TTYH1: variants seen among roughly 807,000 people sequenced by gnomAD.
TTYH1 encodes the protein protein tweety homolog 1.
TTYH1 carries 33 observed loss-of-function variants against 61.2 expected under a neutral mutation model. The ratio of observed to expected loss-of-function variants is 0.54; its 90% CI spans 0.41 to 0.72. TTYH1 has a LOEUF of 0.72. Among genes scored for constraint, TTYH1 ranks in the 30% least tolerant of loss-of-function variants. The pLI is 0.00. For missense variants in TTYH1, 538 were observed against 575.8 expected, an observed-to-expected ratio of 0.93 and a Z score of 0.67; for synonymous variants, 308 against 266.4, an observed-to-expected ratio of 1.16 and a Z score of -1.52.
At chr19:54,431,004 G>T in intron 9 of TTYH1, 95 bp from the exon 10 acceptor site, 1 of 1,493,012 alleles carries the variant, frequency 6.7e-7, no homozygotes, top group South Asian at 1.1e-5. Context: ...AGAGCTAGGC[G>T]GGGCCTTGGG....
In TTYH1 at chr19:54,436,416, T is replaced by C. The variant is rs1282979294; in HGVS notation, c.*126T>C. 6 of 1,605,774 alleles carry C rather than the reference T, an allele frequency of 3.7e-6. No individual in the cohort carries two copies. The highest frequency in any genetic ancestry group is 2.2e-5 in the East Asian group (1 of 44,802). The stretch of plus-strand genomic sequence containing the variant: ...CTAACACTCTTGGCCATGGACAGCC[T>C]GCACAGGACCGCCTCCCTGCTCTTG... On this transcript the variant is annotated 3_prime_UTR_variant, in exon 14 of 14. Transcript: ENST00000376530. The surrounding 1 kb of genome is among the most constrained non-coding windows in gnomAD (Gnocchi z 4.3).
Position 54,426,280 on chromosome 19 carries a change from G to A in TTYH1, c.639-393G>A, listed in dbSNP as rs150056772. ...GACCAGGCAGCCTCTGCCTCCAGAC[G>A]TCATGCCCTCCAGGGATGCGATGGG... On this transcript the variant is annotated intron_variant, in intron 4 of 13. Coordinates refer to ENST00000376530, the MANE Select transcript of TTYH1 (RefSeq NM_020659.4). 4.2e-3 allele frequency among the ~76,000 whole-genome samples: 633 copies of A among 152,272 alleles called. 6 individuals carry two copies. The highest frequency in any genetic ancestry group is 0.014 in the African/African-American group (563 of 41,554).
intron 1 of TTYH1, among the ~76,000 whole-genome samples, chr19:54,417,767 C>T (rs544566487): frequency 2.0e-5 from 3 of 152,054 alleles, no homozygotes; most frequent in Middle Eastern, 3.4e-3. Context: ...TGCACACACA[C>T]ACTCACATGC....
intron 5 of TTYH1, among the ~76,000 whole-genome samples, chr19:54,427,416 T>C (rs188332696): frequency 1.5e-3 from 205 of 138,864 alleles, no homozygotes; most frequent in African/African-American, 5.0e-3. Context: ...CCATCCTGGC[T>C]AACACGGTGA....
At chr19:54,422,865 G>T (rs541747865) in intron 4 of TTYH1, among the ~76,000 whole-genome samples, 80 of 146,278 alleles carry the variant, frequency 5.5e-4, no homozygotes, top group African/African-American at 1.7e-3. Flanking sequence ...GGAAATGGAG[G>T]TTGCAGTGAG....
chr19:54,430,493 G>A, intron 7 of TTYH1, 57 bp from the exon 8 acceptor site: 2 of 1,593,468 alleles, frequency 1.3e-6, no homozygotes, highest in African/African-American at 1.3e-5. Context: ...CCTTCCCCCG[G>A]GAGATCCCTG....
chr19:54,419,235 C>G lies in TTYH1; in HGVS notation c.234C>G (p.Pro78=), dbSNP rs377628725. The G allele has an allele frequency of 5.6e-6, 9 of 1,609,168 alleles. No individual in the cohort carries two copies. The highest frequency in any genetic ancestry group is 2.2e-5 in the East Asian group (1 of 44,842). The change falls in exon 2 of 14, where the codon CCC becomes CCG. Residue 78 remains proline (P), a synonymous_variant. Transcript: ENST00000376530. The surrounding 1 kb of genome is among the most constrained non-coding windows in gnomAD (Gnocchi z 6.1). Reference sequence around the variant, plus strand: ...GCTGCTGCCGGCCCCCCGAGCCCCCCGGGTCCAAGATCCCCTCGCCCGGGG... The same window carrying G: ...GCTGCTGCCGGCCCCCCGAGCCCCCGGGGTCCAAGATCCCCTCGCCCGGGG... The part of the protein sequence containing the change: ...RFCCCRPPEP[P]GSKIPSPGGG...
rs1191060342 is a variant in TTYH1 at position 54,429,649 on chromosome 19, A to G, written c.808-233A>G. Among the ~76,000 whole-genome samples the G allele has an allele frequency of 6.8e-6, 1 of 146,936 alleles. No homozygotes were observed. Among genetic ancestry groups the G allele is most frequent in the East Asian group, 2.0e-4 (1 of 5,030 alleles). On this transcript the variant is annotated intron_variant, in intron 6 of 13. Coordinates refer to ENST00000376530, the MANE Select transcript of TTYH1 (RefSeq NM_020659.4). This position sits in a 1 kb window ranked among gnomAD's most constrained non-coding sequence, Gnocchi z 5.1. ...TCTGGACTCCTGGGTGTGAGGGAGG[A>G]GAAGCTGGGGGCCTGGACTCCTGAG...
Position 54,415,632 on chromosome 19 carries a change from G to T in TTYH1, c.80G>T (p.Arg27Leu). ...CTGCCCCGCGCCGACTTCCAGCTCC[G>T]CCCGGTGCCCAGCGTTTTCGCGCCC... is the stretch of plus-strand genomic sequence containing the variant. Reference protein sequence around the residue: ...HQLPRADFQLRPVPSVFAPQE... With the variant: ...HQLPRADFQLLPVPSVFAPQE... Residue 27 changes from arginine to leucine, a missense_variant, in exon 1 of 14, where the codon CGC becomes CTC. Around this residue, in one of 3 missense-constraint regions of TTYH1, gnomAD observed 157 missense variants for 157.0 expected, o/e 1.00. Transcript: ENST00000376530. The surrounding 1 kb of genome is among the most constrained non-coding windows in gnomAD (Gnocchi z 5.2). 1.3e-6 allele frequency: 2 copies of T among 1,566,078 alleles called. No individual in the cohort carries two copies. Among genetic ancestry groups the T allele is most frequent in the East Asian group, 2.4e-5 (1 of 42,262 alleles).
In TTYH1 at chr19:54,435,667, G is replaced by A; in HGVS notation, c.1251G>A (p.Trp417Ter). 1 of 1,610,318 alleles carries A rather than the reference G, an allele frequency of 6.2e-7. No individual in the cohort carries two copies. Among genetic ancestry groups the A allele is most frequent in the South Asian group, 1.1e-5 (1 of 90,832 alleles). ...ATALCSLPRA[W>*]ALFPPSDDYD... ...CCCTCTGCAGCCTGCCCCGAGCCTG[G>A]GCCCTCTTCCCACCCAGGTCAGGAG... Residue 417 changes from tryptophan to a stop codon, truncating the protein, a stop_gained, in exon 11 of 14, where the codon TGG becomes TGA. Coordinates refer to ENST00000376530, the MANE Select transcript of TTYH1 (RefSeq NM_020659.4). LOFTEE classifies it high-confidence loss of function.
At position 54,416,521 on chromosome 19, in the gene TTYH1, G is replaced by C. The variant is rs1384339635; in HGVS notation, c.126+843G>C. 3.2e-6 allele frequency: 1 copy of C among 310,680 alleles called. No individual in the cohort carries two copies. Among genetic ancestry groups the C allele is most frequent in the Non-Finnish European group, 6.3e-6 (1 of 159,272 alleles). The allele number at this position is 310,680 out of a possible 1,614,324, so 19.2% of individuals were successfully genotyped here. A position where few individuals can be genotyped will look rare whatever the true frequency, so the allele number is the denominator to read the frequency against. On this transcript the variant is annotated intron_variant, in intron 1 of 13. Coordinates refer to ENST00000376530, the MANE Select transcript of TTYH1 (RefSeq NM_020659.4). The surrounding 1 kb of genome is among the most constrained non-coding windows in gnomAD (Gnocchi z 7.0). ...AGCTGGGGACGGGTGGGGGTGCTGG[G>C]AGTCCCGATGTGGCCCCAGGACGGG...
chr19:54,431,314 T>A lies in TTYH1; in HGVS notation c.1125+123T>A, dbSNP rs1247026598. 8 of 672,930 alleles carry A rather than the reference T, an allele frequency of 1.2e-5. No homozygotes were observed. The South Asian group carries it at 1.4e-4, about 11-fold the overall frequency. 41.7% of individuals were successfully genotyped at this position (672,930 alleles called of 1,614,324 possible). A position where few individuals can be genotyped will look rare whatever the true frequency, so the allele number is the denominator to read the frequency against. ...CCTGAGGATATCTCTGTATCCTCTGTTTATATGATTTATCTGTCCTATATC... is the reference window on the plus strand; with the variant it reads ...CCTGAGGATATCTCTGTATCCTCTGATTATATGATTTATCTGTCCTATATC... On this transcript the variant is annotated intron_variant, in intron 10 of 13. Transcript: ENST00000376530.
intron 12 of TTYH1, 104 bp from the exon 13 acceptor site, chr19:54,435,987 C>G (rs1043789550): frequency 8.6e-4 from 1,345 of 1,564,150 alleles, no homozygotes; most frequent in Non-Finnish European, 1.1e-3. Flanking sequence ...GGGGCTGGGG[C>G]CCGGACTCCT....
chr19:54,433,712 A>T (rs1351096751), intron 10 of TTYH1: 2 of 31,496 alleles, frequency 6.4e-5, no homozygotes, highest in Non-Finnish European at 2.8e-4. Flanking sequence ...CATCTCTATT[A>T]AAAAAAAAAA....
rs201944618 is a variant in TTYH1, at chr19:54,436,375, G to A, written c.*85G>A. 1.9e-6 allele frequency: 3 copies of A among 1,613,940 alleles called. No homozygotes were observed. Among genetic ancestry groups the A allele is most frequent in the Non-Finnish European group, 2.5e-6 (3 of 1,180,006 alleles). On this transcript the variant is annotated 3_prime_UTR_variant, in exon 14 of 14. Transcript: ENST00000376530. The surrounding 1 kb of genome is among the most constrained non-coding windows in gnomAD (Gnocchi z 4.3). Reference sequence around the variant, plus strand: ...GGAGGAGACCCCACTAACCCAGCCTGCCTGGGCTCTGACCACTAACACTCT... The same window carrying A: ...GGAGGAGACCCCACTAACCCAGCCTACCTGGGCTCTGACCACTAACACTCT...
Position 54,436,769 on chromosome 19 carries a change from G to A in TTYH1, c.*479G>A, listed in dbSNP as rs567994384. ...TCCCTTGATTCGGCCTCCTGGCCAG[G>A]GCTGGGACATCCTCCCTGCTGTCCT... On this transcript the variant is annotated 3_prime_UTR_variant, in exon 14 of 14. Coordinates refer to ENST00000376530, the MANE Select transcript of TTYH1 (RefSeq NM_020659.4). The surrounding 1 kb of genome is among the most constrained non-coding windows in gnomAD (Gnocchi z 4.3). The A allele has an allele frequency of 4.4e-6, 1 of 228,380 alleles. No homozygotes were observed. The highest frequency in any genetic ancestry group is 9.1e-5 in the South Asian group (1 of 10,960). The allele number at this position is 228,380 out of a possible 1,614,324, so 14.1% of individuals were successfully genotyped here.
rs772080544 is a variant in TTYH1 at position 54,436,219 on chromosome 19, C to G, written c.*42+48C>G. On this transcript the variant is annotated intron_variant, in intron 13 of 13. Transcript: ENST00000376530. The surrounding 1 kb of genome is among the most constrained non-coding windows in gnomAD (Gnocchi z 4.3). ...AGCTCCTGCAGCCGGGCCTCTGCCC[C>G]CCTCCCGCCCTCCGAGCTGCTCCAG... 1.0e-5 allele frequency: 16 copies of G among 1,606,688 alleles called. No homozygotes were observed. Among genetic ancestry groups the G allele is most frequent in the African/African-American group, 1.3e-5 (1 of 74,944 alleles).
chr19:54,422,795 G>A (rs946909317), intron 4 of TTYH1, among the ~76,000 whole-genome samples: 17 of 151,744 alleles, frequency 1.1e-4, no homozygotes, highest in Non-Finnish European at 1.9e-4. Flanking sequence ...TGGGCGTGGC[G>A]GCAGATGTCT....
chr19:54,435,428 G>A (rs2083524247), intron 10 of TTYH1, 114 bp from the exon 11 acceptor site: 2 of 1,274,966 alleles, frequency 1.6e-6, no homozygotes, highest in African/African-American at 1.5e-5. Context: ...GGCACAGAGT[G>A]GTCAGTTGAC....
Sources: gnomAD v4.1 joint callset for allele counts (sites outside exome capture counted in the v4.1 genomes callset) on GRCh38, gnomAD v4.1.1 for gene constraint, gnomAD v4.1.1 regional missense constraint, Gnocchi (gnomAD v3.1) non-coding constraint, MANE v1.5 for transcripts, NCBI Gene and HGNC (gene_info 2026-07-23, HGNC 2026-07-21) for gene names.